The following CAPN1 variants were observed in gnomAD, a reference collection of about 807,000 sequenced individuals.
CAPN1 encodes calpain-1 catalytic subunit.
CAPN1 carries 77 observed loss-of-function variants against 105.2 expected under a neutral mutation model. That is an observed-to-expected ratio of 0.73 (90% CI 0.61 to 0.88). CAPN1 has a LOEUF of 0.88. Ranked by LOEUF, CAPN1 falls within the 40% of genes least tolerant of loss-of-function variation. The pLI, the probability that CAPN1 is intolerant of heterozygous loss-of-function variation, is 0.00. For missense variants in CAPN1, 833 were observed against 976.6 expected (o/e 0.85, Z 1.96); for synonymous variants, 355 against 388.8 (o/e 0.91, Z 1.02).
At chr11:65,185,805 A>T in intron 4 of CAPN1, 112 bp from the exon 5 acceptor site, 2 of 1,095,772 alleles carry the variant, frequency 1.8e-6, no homozygotes, top group Non-Finnish European at 2.6e-6. Flanking sequence ...GTCTATGTGT[A>T]TCTAGTATGT....
In CAPN1 at chr11:65,209,214, C is replaced by G; in HGVS notation, c.1730-109C>G. On this transcript the variant is annotated intron_variant, in intron 16 of 21. Coordinates refer to ENST00000279247, the MANE Select transcript of CAPN1 (RefSeq NM_005186.4). This position sits in a 1 kb window ranked among gnomAD's most constrained non-coding sequence, Gnocchi z 4.1. ...CACTTCCTCTGCCAGATATTGCACCCACTCGTCAGGATTTGTGCGTCCTTG... is the reference window on the plus strand; with the variant it reads ...CACTTCCTCTGCCAGATATTGCACCGACTCGTCAGGATTTGTGCGTCCTTG... The G allele has an allele frequency of 1.3e-6, 1 of 769,786 alleles. No individual in the cohort carries two copies. Among genetic ancestry groups the G allele is most frequent in the South Asian group, 1.5e-5 (1 of 67,416 alleles). 47.7% of individuals were successfully genotyped at this position (769,786 alleles called of 1,614,324 possible). A position where few individuals can be genotyped will look rare whatever the true frequency, so the allele number is the denominator to read the frequency against.
chr11:65,182,856 G>A lies in CAPN1; in HGVS notation c.155G>A (p.Ser52Asn), dbSNP rs1948562550. Reference protein sequence around the residue: ...YEQLRVRCLQSGTLFRDEAFP... With the variant: ...YEQLRVRCLQNGTLFRDEAFP... ...CAGCTGCGGGTGCGATGCCTGCAGA[G>A]TGGGACCCTCTTCCGTGATGAGGCC... The change falls in exon 2 of 22, where the codon AGT becomes AAT. Residue 52 changes from serine to asparagine, a missense_variant. Physicochemically the swap from Ser to Asn is conservative, Grantham distance 46. Transcript: ENST00000279247. 6.2e-7 allele frequency: 1 copy of A among 1,601,472 alleles called. No individual in the cohort carries two copies. Among genetic ancestry groups the A allele is most frequent in the Non-Finnish European group, 8.5e-7 (1 of 1,174,360 alleles).
In CAPN1 at chr11:65,210,055, G is replaced by A. The variant is rs759145458; in HGVS notation, c.1901G>A (p.Ser634Asn). Residue 634 changes from serine (S) to asparagine (N), a missense_variant, in exon 19 of 22, where the codon AGC (serine) becomes AAC (asparagine). Transcript: ENST00000279247. The surrounding 1 kb of genome is among the most constrained non-coding windows in gnomAD (Gnocchi z 4.3). ...FRKFDLDKSG[S>N]MSAYEMRMAI... Reference sequence around the variant, plus strand: ...AAGTTTGACCTGGACAAGTCGGGCAGCATGAGTGCCTACGAGATGCGGATG... The same window carrying A: ...AAGTTTGACCTGGACAAGTCGGGCAACATGAGTGCCTACGAGATGCGGATG... 26 of 1,612,912 alleles carry A rather than the reference G, an allele frequency of 1.6e-5. No homozygotes were observed. The highest frequency in any genetic ancestry group is 4.0e-5 in the African/African-American group (3 of 74,834).
rs758006762 is a variant in CAPN1, at chr11:65,208,045, C to T, written c.1606-10C>T. 14 of 1,582,138 alleles carry T rather than the reference C, an allele frequency of 8.8e-6. No individual in the cohort carries two copies. The highest frequency in any genetic ancestry group is 1.8e-4 in the Middle Eastern group (1 of 5,544). Reference sequence around the variant, plus strand: ...CCTCTCTTACCTGCTTTCTCCCCTTCTCGGTCCAGCAAGTGCTCTCAGAAG... The same window carrying T: ...CCTCTCTTACCTGCTTTCTCCCCTTTTCGGTCCAGCAAGTGCTCTCAGAAG... On this transcript the variant is annotated splice_polypyrimidine_tract_variant and intron_variant, in intron 14 of 21. Coordinates refer to ENST00000279247, the MANE Select transcript of CAPN1 (RefSeq NM_005186.4). The surrounding 1 kb of genome is among the most constrained non-coding windows in gnomAD (Gnocchi z 4.1).
Position 65,209,330 on chromosome 11 carries a change from C to A in CAPN1, c.1737C>A (p.Asp579Glu), listed in dbSNP as rs775464231. 1.9e-6 allele frequency: 3 copies of A among 1,613,440 alleles called. No individual in the cohort carries two copies. Among genetic ancestry groups the A allele is most frequent in the Non-Finnish European group, 2.5e-6 (3 of 1,179,670 alleles). The change falls in exon 17 of 22, where the codon GAC (aspartate) becomes GAA (glutamate). Residue 579 changes from aspartate to glutamate, a missense_variant. By Grantham distance (45) the Asp-to-Glu change is conservative. Coordinates refer to ENST00000279247, the MANE Select transcript of CAPN1 (RefSeq NM_005186.4). The surrounding 1 kb of genome is among the most constrained non-coding windows in gnomAD (Gnocchi z 4.1). Reference protein sequence around the residue: ...ILNRIISKHKDLRTKGFSLES... With the variant: ...ILNRIISKHKELRTKGFSLES... ...AATTGGTTTTTCTTGCAGACAAAGA[C>A]CTGCGGACCAAGGGCTTCAGCCTAG...
chr11:65,188,464 T>G lies in CAPN1; in HGVS notation c.980T>G (p.Val327Gly). ...CCATATGAACGGGACCAGCTCCGGGTCAAGATGGAGGACGGGGAGTTCTGG... is the reference window on the plus strand; with the variant it reads ...CCATATGAACGGGACCAGCTCCGGGGCAAGATGGAGGACGGGGAGTTCTGG... ...VDPYERDQLR[V>G]KMEDGEFWMS... Residue 327 changes from valine (V) to glycine (G), a missense_variant, in exon 9 of 22, where the codon GTC (valine) becomes GGC (glycine). By Grantham distance (109) the Val-to-Gly change is moderately radical. Coordinates refer to ENST00000279247, the MANE Select transcript of CAPN1 (RefSeq NM_005186.4). The surrounding 1 kb of genome is among the most constrained non-coding windows in gnomAD (Gnocchi z 5.5). 1 of 1,613,118 alleles carries G rather than the reference T, an allele frequency of 6.2e-7. No homozygotes were observed. The highest frequency in any genetic ancestry group is 1.3e-5 in the African/African-American group (1 of 74,996).
chr11:65,182,433 T>G, intron 1 of CAPN1: 1 of 440,854 alleles, frequency 2.3e-6, no homozygotes. Flanking sequence ...ACCTGCTGGC[T>G]CACTACAGAG....
At position 65,210,751 on chromosome 11, in the gene CAPN1, C is replaced by G. The variant is rs572507211; in HGVS notation, c.2060-63C>G. The G allele has an allele frequency of 2.7e-5, 36 of 1,353,170 alleles. No individual in the cohort carries two copies. In the South Asian group the frequency reaches 3.9e-4, roughly 14 times the overall value. The allele number at this position is 1,353,170 out of a possible 1,614,324, so 83.8% of individuals were successfully genotyped here. A position where few individuals can be genotyped will look rare whatever the true frequency, so the allele number is the denominator to read the frequency against. On this transcript the variant is annotated intron_variant, in intron 20 of 21. Transcript: ENST00000279247. This position sits in a 1 kb window ranked among gnomAD's most constrained non-coding sequence, Gnocchi z 4.3. The stretch of plus-strand genomic sequence containing the variant: ...GGACCAGGCAGGAAGGGGGCCAGGC[C>G]TGGCCCTGCGTGAATATCCCACTGA...
At chr11:65,192,963 C>T (rs1047332118) in intron 10 of CAPN1, among the ~76,000 whole-genome samples, 1 of 151,236 alleles carries the variant, frequency 6.6e-6, no homozygotes, top group Non-Finnish European at 1.5e-5. Flanking sequence ...GTTATTAGCA[C>T]AAAGTTATCC....
At chr11:65,198,879 G>A (rs1318425901) in intron 10 of CAPN1, among the ~76,000 whole-genome samples, 1 of 152,134 alleles carries the variant, frequency 6.6e-6, no homozygotes, top group Non-Finnish European at 1.5e-5. Context: ...CTGTCGCCCA[G>A]GCTGGAGTGC....
At chr11:65,196,233 C>T (rs975068660) in intron 10 of CAPN1, among the ~76,000 whole-genome samples, 2 of 151,752 alleles carry the variant, frequency 1.3e-5, no homozygotes, top group Admixed American at 6.6e-5. Flanking sequence ...GGACTTTAAT[C>T]TTCATTATTT....
rs552659092 is a variant in CAPN1, at chr11:65,211,590, T to A, written c.*304T>A. On this transcript the variant is annotated 3_prime_UTR_variant, in exon 22 of 22. Transcript: ENST00000279247. ...GGGACAGCCCCGGGTTTCCCCAGCA[T>A]CCTGATGTGTCCCCTCTCCCCACTT... is the stretch of plus-strand genomic sequence containing the variant. The A allele has an allele frequency of 6.0e-5, 32 of 529,150 alleles. 1 individual carries two copies. In the Admixed American group the frequency reaches 9.6e-4, roughly 16 times the overall value. 32.8% of individuals were successfully genotyped at this position (529,150 alleles called of 1,614,324 possible).
In CAPN1 at chr11:65,205,693, C is replaced by T; in HGVS notation, c.1342-17C>T. The T allele has an allele frequency of 6.2e-7, 1 of 1,613,484 alleles. No homozygotes were observed. The highest frequency in any genetic ancestry group is 1.1e-5 in the South Asian group (1 of 91,074). Reference sequence around the variant, plus strand: ...GACAAACACACATCTCTGACTTCCCCTGTCTCTCTATTGCAGGTCCCTCCG... The same window carrying T: ...GACAAACACACATCTCTGACTTCCCTTGTCTCTCTATTGCAGGTCCCTCCG... On this transcript the variant is annotated splice_polypyrimidine_tract_variant and intron_variant, in intron 11 of 21. Transcript: ENST00000279247.
At chr11:65,204,095 CCTT>C (rs1202655237) in intron 10 of CAPN1, among the ~76,000 whole-genome samples, 1 of 152,132 alleles carries the variant, frequency 6.6e-6, no homozygotes, top group African/African-American at 2.4e-5. Flanking sequence ...TTTTCTCTTG[CCTT>C]CTTCTAAGCT....
rs145422391 is a variant in CAPN1 at position 65,202,960 on chromosome 11, T to C, written c.1166-1723T>C. Among the ~76,000 whole-genome samples, 216 of 152,230 alleles carry C rather than the reference T, an allele frequency of 1.4e-3. 1 individual carries two copies. Among genetic ancestry groups the C allele is most frequent in the Admixed American group, 3.3e-3 (50 of 15,282 alleles). On this transcript the variant is annotated intron_variant, in intron 10 of 21. Transcript: ENST00000279247. ...CTCTATGGATTTGCCTACTGGGATA[T>C]TTCATGTGAACAGGATCATATAATA... is the stretch of plus-strand genomic sequence containing the variant.
chr11:65,185,317 G>T (rs990881612), intron 4 of CAPN1, among the ~76,000 whole-genome samples: 1 of 151,950 alleles, frequency 6.6e-6, no homozygotes, highest in Non-Finnish European at 1.5e-5. Flanking sequence ...GACTATGGAA[G>T]GGGGAGAAAA....
Position 65,210,725 on chromosome 11 carries a change from G to A in CAPN1, c.2060-89G>A. On this transcript the variant is annotated intron_variant, in intron 20 of 21. Coordinates refer to ENST00000279247, the MANE Select transcript of CAPN1 (RefSeq NM_005186.4). The surrounding 1 kb of genome is among the most constrained non-coding windows in gnomAD (Gnocchi z 4.3). ...TTGCGGTACTGTGGGGAGGTAGAGAGGGACCAGGCAGGAAGGGGGCCAGGC... is the reference window on the plus strand; with the variant it reads ...TTGCGGTACTGTGGGGAGGTAGAGAAGGACCAGGCAGGAAGGGGGCCAGGC... The A allele has an allele frequency of 9.5e-7, 1 of 1,056,532 alleles. No homozygotes were observed. Among genetic ancestry groups the A allele is most frequent in the Non-Finnish European group, 1.5e-6 (1 of 671,936 alleles). 65.4% of individuals were successfully genotyped at this position (1,056,532 alleles called of 1,614,324 possible).
rs1948588226 is a variant in CAPN1, at chr11:65,183,681, T to G, written c.456+89T>G. 4 of 860,804 alleles carry G rather than the reference T, an allele frequency of 4.6e-6. No individual in the cohort carries two copies. In the African/African-American group the frequency reaches 5.0e-5, roughly 11 times the overall value. 53.3% of individuals were successfully genotyped at this position (860,804 alleles called of 1,614,324 possible). On this transcript the variant is annotated intron_variant, in intron 4 of 21. Transcript: ENST00000279247. ...AATACCTGCAGTTAGGGCCACACCCTGTGGGGCCAGCCCTCCCTCTAGCAG... is the reference window on the plus strand; with the variant it reads ...AATACCTGCAGTTAGGGCCACACCCGGTGGGGCCAGCCCTCCCTCTAGCAG...
At position 65,208,800 on chromosome 11, in the gene CAPN1, C is replaced by T; in HGVS notation, c.1730-523C>T. On this transcript the variant is annotated intron_variant, in intron 16 of 21. Coordinates refer to ENST00000279247, the MANE Select transcript of CAPN1 (RefSeq NM_005186.4). The surrounding 1 kb of genome is among the most constrained non-coding windows in gnomAD (Gnocchi z 4.1). ...GTCTCAAAAAAAAAAGCAGGAGCAG[C>T]ACCTTAGTGCCAAAGAAAAGTCTAC... is the stretch of plus-strand genomic sequence containing the variant. 1 of 215,198 alleles carries T rather than the reference C, an allele frequency of 4.6e-6. No individual in the cohort carries two copies. The allele number at this position is 215,198 out of a possible 1,614,324, so 13.3% of individuals were successfully genotyped here.
Sources: allele counts gnomAD v4.1 joint callset (sites outside exome capture counted in the v4.1 genomes callset), GRCh38; gene constraint gnomAD v4.1.1; non-coding constraint Gnocchi (gnomAD v3.1); transcripts MANE v1.5; gene names NCBI Gene and HGNC (gene_info 2026-07-23, HGNC 2026-07-21).